The following RBFOX1 variants were observed in gnomAD, a reference collection of about 807,000 sequenced individuals.
RBFOX1 encodes RNA binding protein fox-1 homolog 1.
RBFOX1 carries 8 observed loss-of-function variants against 57.7 expected under a neutral mutation model. That is an observed-to-expected ratio of 0.14 (90% CI 0.08 to 0.25). The LOEUF (loss-of-function observed/expected upper bound fraction) is 0.25. Ranked by LOEUF, RBFOX1 falls within the 10% of genes least tolerant of loss-of-function variation. RBFOX1 has a pLI of 1.00. For synonymous variants in RBFOX1, 326 were observed against 222.4 expected (o/e 1.47, Z -4.15); for missense variants, 611 against 548.5 (o/e 1.11, Z -1.14).
intron 2 of RBFOX1, among the ~76,000 whole-genome samples, chr16:5,554,975 T>C (rs1314898341): frequency 6.6e-6 from 1 of 152,188 alleles, no homozygotes; most frequent in Non-Finnish European, 1.5e-5. Context: ...TGAATGGTGT[T>C]AGTCATAGGA....
intron 4 of RBFOX1, among the ~76,000 whole-genome samples, chr16:7,497,413 T>C (rs563254051): frequency 6.6e-6 from 1 of 152,290 alleles, no homozygotes; most frequent in Admixed American, 6.5e-5. Context: ...ATTTGATACC[T>C]CCTGTCTCTG....
At chr16:6,642,543 G>T (rs1568009596) in intron 2 of RBFOX1, among the ~76,000 whole-genome samples, 1 of 151,816 alleles carries the variant, frequency 6.6e-6, no homozygotes. Flanking sequence ...CTGCTTGTCT[G>T]CATGGCTAGA....
intron 3 of RBFOX1, among the ~76,000 whole-genome samples, chr16:7,034,943 G>T (rs985043459): frequency 1.4e-5 from 2 of 141,876 alleles, no homozygotes; most frequent in African/African-American, 2.7e-5. Flanking sequence ...CTGCCTCCCC[G>T]GTTCTATCGA....
intron 2 of RBFOX1, among the ~76,000 whole-genome samples, chr16:6,578,902 G>C (rs2097489695): frequency 6.6e-6 from 1 of 151,948 alleles, no homozygotes; most frequent in Non-Finnish European, 1.5e-5. Context: ...GGTGGGAGTG[G>C]GGTGAGGGTA....
chr16:6,650,426 G>A (rs141763351), intron 2 of RBFOX1, among the ~76,000 whole-genome samples: 6 of 152,070 alleles, frequency 3.9e-5, no homozygotes, highest in Non-Finnish European at 7.4e-5. Flanking sequence ...ACCTGATGAG[G>A]GATCACTTCT....
rs574413505 is a variant in RBFOX1, at chr16:6,397,053, G to A, written c.-64+79996G>A. On this transcript the variant is annotated intron_variant, in intron 2 of 15. Transcript: ENST00000550418. ...ATTTGATTATTAACAGAAGACTAGT[G>A]ATTTATGGGATAATATCAAATGTAT... Among the ~76,000 whole-genome samples the A allele has an allele frequency of 2.9e-3, 448 of 152,230 alleles. 4 individuals carry two copies. Among genetic ancestry groups the A allele is most frequent in the South Asian group, 7.5e-3 (36 of 4,816 alleles).
At chr16:5,569,438 C>CT (rs796279138) in intron 2 of RBFOX1, among the ~76,000 whole-genome samples, 3,573 of 48,956 alleles carry the variant, frequency 0.073, 582 homozygotes, top group Non-Finnish European at 0.1. Context: ...AAGAAGTAAC[C>CT]TTTTTTTTTT....
chr16:5,599,514 A>G (rs1442031137), exon 3 of RBFOX1: 2 of 425,866 alleles, frequency 4.7e-6, no homozygotes, highest in African/African-American at 2.0e-5. Flanking sequence ...TACTTCTGAA[A>G]TCACTCATGC....
intron 2 of RBFOX1, among the ~76,000 whole-genome samples, chr16:6,482,876 G>T (rs999544584): frequency 6.6e-6 from 1 of 152,224 alleles, no homozygotes; most frequent in Non-Finnish European, 1.5e-5. Context: ...GTAAGTAATT[G>T]GGAGTGCTTA....
intron 3 of RBFOX1, among the ~76,000 whole-genome samples, chr16:6,843,798 A>G (rs1027754831): frequency 1.3e-5 from 2 of 152,204 alleles, no homozygotes; most frequent in East Asian, 3.9e-4. Context: ...TCCATGCCAA[A>G]AGAAATAACA....
At chr16:5,591,288 G>A (rs927363675) in intron 2 of RBFOX1, among the ~76,000 whole-genome samples, 1 of 102,240 alleles carries the variant, frequency 9.8e-6, no homozygotes, top group South Asian at 2.9e-4. Context: ...TTTCTCTTTT[G>A]TTACCCAGGC....
chr16:5,530,007 G>T (rs1037044964), intron 2 of RBFOX1, among the ~76,000 whole-genome samples: 7 of 152,114 alleles, frequency 4.6e-5, no homozygotes, highest in Admixed American at 1.3e-4. Context: ...CTTCCTCACA[G>T]CCCTGAGAAG....
At chr16:6,242,222 C>T (rs2097543374) in intron 1 of RBFOX1, among the ~76,000 whole-genome samples, 1 of 151,804 alleles carries the variant, frequency 6.6e-6, no homozygotes, top group Non-Finnish European at 1.5e-5. Flanking sequence ...CTGATAAGTA[C>T]ATTCTCTCTA....
chr16:6,426,669 C>T (rs2152997363), intron 2 of RBFOX1, among the ~76,000 whole-genome samples: 1 of 152,258 alleles, frequency 6.6e-6, no homozygotes. Flanking sequence ...ACAGGCACAC[C>T]TCAGAAAGAC....
At chr16:5,846,034 A>G (rs2056747807) in intron 3 of RBFOX1, among the ~76,000 whole-genome samples, 1 of 152,084 alleles carries the variant, frequency 6.6e-6, no homozygotes, top group Non-Finnish European at 1.5e-5. Flanking sequence ...TTACCCAGGC[A>G]TGGAGGTGGG....
Position 5,841,187 on chromosome 16 carries a change from G to C in RBFOX1, c.319-26116G>C, listed in dbSNP as rs541968612. 2.6e-5 allele frequency among the ~76,000 whole-genome samples: 4 copies of C among 152,286 alleles called. 1 individual carries two copies. Among genetic ancestry groups the C allele is most frequent in the African/African-American group, 9.6e-5 (4 of 41,556 alleles). On this transcript the variant is annotated intron_variant, in intron 3 of 19. Coordinates refer to the RBFOX1 transcript ENST00000641259. ...ATCATCTCCAACACTATATAGAGTA[G>C]GTACTGTTATCACCACCAATCCAGT...
At position 6,895,257 on chromosome 16, in the gene RBFOX1, C is replaced by T. The variant is rs543737745; in HGVS notation, c.-15-156800C>T. Among the ~76,000 whole-genome samples the T allele has an allele frequency of 5.3e-5, 8 of 151,652 alleles. No homozygotes were observed. The East Asian group carries it at 9.7e-4, about 18-fold the overall frequency. ...AATGTATATCCCAAATGTATATCCC[C>T]AGTGGTTCCTGATTCCCAGAATCCC... is the stretch of plus-strand genomic sequence containing the variant. On this transcript the variant is annotated intron_variant, in intron 3 of 15. Coordinates refer to ENST00000550418, the MANE Select transcript of RBFOX1 (RefSeq NM_018723.4).
intron 1 of RBFOX1, among the ~76,000 whole-genome samples, chr16:5,420,510 T>C (rs1334949764): frequency 1.3e-5 from 2 of 152,030 alleles, no homozygotes; most frequent in Non-Finnish European, 2.9e-5. Context: ...TTTTTGTTGT[T>C]TGTTTTTTGT....
chr16:6,235,995 A>C (rs1197428579), intron 1 of RBFOX1, among the ~76,000 whole-genome samples: 1 of 152,158 alleles, frequency 6.6e-6, no homozygotes, highest in Admixed American at 6.5e-5. Flanking sequence ...TTCCCCAATA[A>C]CCTATGGAAA....
Sources: allele counts gnomAD v4.1 joint callset (sites outside exome capture counted in the v4.1 genomes callset), GRCh38; gene constraint gnomAD v4.1.1; transcripts MANE v1.5; gene names NCBI Gene and HGNC (gene_info 2026-07-23, HGNC 2026-07-21).